Variants in CDH18 observed in about 807,000 individuals in gnomAD.
CDH18 encodes the protein cadherin-18.
A neutral mutation model predicts 67.9 loss-of-function variants in CDH18; 31 were observed. That is an observed-to-expected ratio of 0.46 (90% CI 0.34 to 0.62). CDH18 has a LOEUF of 0.62. CDH18 is among the 20% of genes least tolerant of loss of function. CDH18 has a pLI of 0.01. For missense variants in CDH18, 890 were observed against 975.5 expected (o/e 0.91, Z 1.17); for synonymous variants, 362 against 347.2 (o/e 1.04, Z -0.48).
At chr5:19,919,959 G>C (rs538145071) in intron 2 of CDH18, among the ~76,000 whole-genome samples, 1 of 152,162 alleles carries the variant, frequency 6.6e-6, no homozygotes, top group South Asian at 2.1e-4. Flanking sequence ...ACTATATCTA[G>C]ATAGTAGTCA....
At chr5:19,951,943 T>C (rs909814380) in intron 2 of CDH18, among the ~76,000 whole-genome samples, 6 of 152,146 alleles carry the variant, frequency 3.9e-5, no homozygotes, top group Non-Finnish European at 8.8e-5. Context: ...ATCCCTTACT[T>C]GAACATAGAG....
chr5:20,240,648 CTAAT>C (rs1366206586), intron 2 of CDH18, among the ~76,000 whole-genome samples: 1 of 152,046 alleles, frequency 6.6e-6, no homozygotes, highest in Non-Finnish European at 1.5e-5. Flanking sequence ...ACAATAGTTC[CTAAT>C]TATTCTCTTT....
intron 1 of CDH18, among the ~76,000 whole-genome samples, chr5:20,466,288 G>C (rs1372106272): frequency 6.6e-6 from 1 of 151,960 alleles, no homozygotes; most frequent in Non-Finnish European, 1.5e-5. Context: ...ATTACTGAAA[G>C]TAAACTGACT....
intron 5 of CDH18, among the ~76,000 whole-genome samples, chr5:19,621,268 G>C (rs1214349307): frequency 6.7e-6 from 1 of 148,630 alleles, no homozygotes; most frequent in Admixed American, 6.8e-5. Flanking sequence ...TCATAAGGCA[G>C]TTCTATTTCT....
chr5:20,388,591 T>G (rs1339060699), intron 1 of CDH18, among the ~76,000 whole-genome samples: 1 of 152,200 alleles, frequency 6.6e-6, no homozygotes, highest in Non-Finnish European at 1.5e-5. Flanking sequence ...TGATCTTAGT[T>G]ATTTCATGCC....
intron 1 of CDH18, among the ~76,000 whole-genome samples, chr5:20,340,895 G>A (rs1389586731): frequency 1.3e-5 from 2 of 152,058 alleles, no homozygotes; most frequent in South Asian, 4.2e-4. Context: ...TTTGAATCAT[G>A]CCTGAAAGCC....
intron 1 of CDH18, among the ~76,000 whole-genome samples, chr5:20,266,498 G>T (rs1166523816): frequency 1.3e-5 from 2 of 151,572 alleles, no homozygotes; most frequent in South Asian, 2.1e-4. Context: ...CTGCCTCCCG[G>T]GTTCAAGTGA....
At chr5:20,519,058 TGGA>T (rs1755557218) in intron 1 of CDH18, among the ~76,000 whole-genome samples, 1 of 152,160 alleles carries the variant, frequency 6.6e-6, no homozygotes, top group Admixed American at 6.6e-5. Flanking sequence ...GCCTGGATGA[TGGA>T]GATGATACAA....
intron 2 of CDH18, among the ~76,000 whole-genome samples, chr5:19,859,684 T>C (rs1171343997): frequency 1.3e-5 from 2 of 152,178 alleles, no homozygotes; most frequent in Admixed American, 1.3e-4. Context: ...TAAATCTGCT[T>C]AGGACCAGGA....
At chr5:19,986,561 T>A (rs1419946231) in intron 1 of CDH18, among the ~76,000 whole-genome samples, 1 of 152,196 alleles carries the variant, frequency 6.6e-6, no homozygotes, top group African/African-American at 2.4e-5. Flanking sequence ...GTTCATAAAA[T>A]ACTCACCAAG....
chr5:20,007,062 C>T (rs1381493506), intron 2 of CDH18, among the ~76,000 whole-genome samples: 1 of 151,582 alleles, frequency 6.6e-6, no homozygotes, highest in Non-Finnish European at 1.5e-5. Context: ...CTGGAAGTAC[C>T]AAGACACTTT....
intron 2 of CDH18, among the ~76,000 whole-genome samples, chr5:20,189,092 A>ACCTAAAGGCATTTAGG (rs1450542941): frequency 6.6e-6 from 1 of 152,026 alleles, no homozygotes; most frequent in Non-Finnish European, 1.5e-5. Context: ...AATGCCTTTC[A>ACCTAAAGGCATTTAGG]TCGCTACTCC....
At chr5:20,096,008 C>T (rs1360395619) in intron 2 of CDH18, among the ~76,000 whole-genome samples, 1 of 151,364 alleles carries the variant, frequency 6.6e-6, no homozygotes, top group African/African-American at 2.4e-5. Context: ...TTTTTAAAAG[C>T]GATTTGAAAG....
intron 5 of CDH18, among the ~76,000 whole-genome samples, chr5:19,635,353 G>A: frequency 6.6e-6 from 1 of 152,140 alleles, no homozygotes; most frequent in East Asian, 1.9e-4. Context: ...ACTATGGAGT[G>A]CTTCAATTAC....
intron 1 of CDH18, among the ~76,000 whole-genome samples, chr5:20,442,358 A>T (rs1749670350): frequency 6.6e-6 from 1 of 151,964 alleles, no homozygotes; most frequent in African/African-American, 2.4e-5. Context: ...CCGTAAATAA[A>T]CTACTTATGT....
intron 11 of CDH18, among the ~76,000 whole-genome samples, chr5:19,488,346 C>T (rs1157373740): frequency 6.6e-6 from 1 of 152,062 alleles, no homozygotes; most frequent in African/African-American, 2.4e-5. Context: ...TCTGATAATG[C>T]AGGCAAAGAT....
At chr5:20,071,803 A>T (rs1028165539) in intron 2 of CDH18, among the ~76,000 whole-genome samples, 12 of 152,088 alleles carry the variant, frequency 7.9e-5, no homozygotes, top group African/African-American at 2.7e-4. Context: ...TTTCCCTTCT[A>T]AACAGTAACC....
intron 10 of CDH18, 72 bp from the exon 11 acceptor site, chr5:19,503,181 A>G: frequency 1.4e-6 from 1 of 726,036 alleles, no homozygotes; most frequent in East Asian, 2.5e-5. Flanking sequence ...ACACTGTATT[A>G]TTTCTGTTTA....
chr5:19,902,467 G>T (rs374944428), intron 2 of CDH18, among the ~76,000 whole-genome samples: 1 of 152,150 alleles, frequency 6.6e-6, no homozygotes, highest in Non-Finnish European at 1.5e-5. Context: ...AAGCTGAGGG[G>T]CTGTGGAGCT....
Sources: gnomAD v4.1 joint callset for allele counts (sites outside exome capture counted in the v4.1 genomes callset) on GRCh38, gnomAD v4.1.1 for gene constraint, MANE v1.5 for transcripts, NCBI Gene and HGNC (gene_info 2026-07-23, HGNC 2026-07-21) for gene names.